SETD2: variants seen among roughly 807,000 people sequenced by gnomAD.
SETD2 encodes histone-lysine N-methyltransferase SETD2.
Under a neutral mutation model 242.1 loss-of-function variants are expected in SETD2, and 31 were observed. The ratio of observed to expected loss-of-function variants is 0.13; its 90% confidence interval spans 0.10 to 0.17. The LOEUF (loss-of-function observed/expected upper bound fraction) is 0.17, where lower values mean the gene tolerates loss of function less well. Ranked by LOEUF, SETD2 falls within the 10% of genes least tolerant of loss-of-function variation. SETD2 has a pLI of 1.00. For synonymous variants in SETD2, 1,006 were observed against 1,066.5 expected (o/e 0.94, Z 1.11); for missense variants, 2,481 against 3,046.3 (o/e 0.81, Z 4.37).
intron 8 of SETD2, among the ~76,000 whole-genome samples, chr3:47,099,507 T>C (rs1282993824): frequency 6.6e-6 from 1 of 152,176 alleles, no homozygotes; most frequent in Non-Finnish European, 1.5e-5. Context: ...AGGCACACAT[T>C]AGTTGTCTTT....
In SETD2 at chr3:47,123,379, A is replaced by G. The variant is rs1410821571; in HGVS notation, c.1257T>C (p.Tyr419=). 1 of 1,551,728 alleles carries G rather than the reference A, an allele frequency of 6.4e-7. No homozygotes were observed. The highest frequency in any genetic ancestry group is 2.4e-5 in the East Asian group (1 of 40,924). The change falls in exon 3 of 21, where the codon TAT becomes TAC. Residue 419 remains tyrosine, a synonymous_variant. Coordinates refer to ENST00000409792, the MANE Select transcript of SETD2 (RefSeq NM_014159.7). ...AATAATGAGATCGTTCTGACCTGGA[A>G]TAGGATAAATTAGTTCTAGAGCCTC... ...SERGSRTNLS[Y]SRSERSHYYD...
intron 5 of SETD2, among the ~76,000 whole-genome samples, chr3:47,109,009 T>C (rs545178339): frequency 1.3e-5 from 2 of 152,300 alleles, no homozygotes; most frequent in African/African-American, 4.8e-5. Flanking sequence ...TTAATCTTTT[T>C]CTAAGCCTGA....
At chr3:47,163,567 G>T in intron 1 of SETD2, 1 of 170,340 alleles carries the variant, frequency 5.9e-6, no homozygotes, top group Non-Finnish European at 1.2e-5. Context: ...GTGCGGACAC[G>T]GCGGTAACCG....
Position 47,083,656 on chromosome 3 carries a change from T to C in SETD2, c.6060+64A>G. 2.7e-6 allele frequency: 4 copies of C among 1,465,196 alleles called. No homozygotes were observed. In the Admixed American group the frequency reaches 9.0e-5, roughly 33 times the overall value. The allele number at this position is 1,465,196 out of a possible 1,614,324, so 90.8% of individuals were successfully genotyped here. ...GGCTAAAAAAAGTAGTTAATTTTGC[T>C]TAGGTTTGTAGAACTCTAAACCTGA... is the stretch of plus-strand genomic sequence containing the variant. On this transcript the variant is annotated intron_variant, in intron 12 of 20. Transcript: ENST00000409792.
intron 1 of SETD2, among the ~76,000 whole-genome samples, chr3:47,131,764 CTT>C (rs527871689): frequency 5.8e-5 from 8 of 139,040 alleles, no homozygotes; most frequent in Admixed American, 7.3e-5. Flanking sequence ...TTTGCATATT[CTT>C]TTTTTTTTTT....
chr3:47,084,072 T>G lies in SETD2; in HGVS notation c.5708A>C (p.Lys1903Thr). ...ISDATSELEG[K>T]DGKEDLDQLE... The stretch of plus-strand genomic sequence containing the variant: ...TTGATCAAGATCCTCTTTGCCATCC[T>G]TGCCTTCTAGCTCACTGGTTGCATC... Residue 1903 changes from lysine to threonine, a missense_variant, in exon 12 of 21, where the codon AAG becomes ACG. By Grantham distance (78) the Lys-to-Thr change is moderately conservative. Transcript: ENST00000409792. The G allele has an allele frequency of 6.2e-7, 1 of 1,614,218 alleles. No homozygotes were observed. The highest frequency in any genetic ancestry group is 8.5e-7 in the Non-Finnish European group (1 of 1,180,028).
chr3:47,073,175 T>C (rs1247804943), intron 12 of SETD2, among the ~76,000 whole-genome samples: 2 of 146,696 alleles, frequency 1.4e-5, no homozygotes, highest in Non-Finnish European at 3.0e-5. Context: ...ATACTGTGAG[T>C]AAACTGTCAC....
At chr3:47,018,890 TAA>T (rs2038095751) in intron 19 of SETD2, among the ~76,000 whole-genome samples, 1 of 152,248 alleles carries the variant, frequency 6.6e-6, no homozygotes, top group South Asian at 2.1e-4. Flanking sequence ...TCTATTGATA[TAA>T]GTTAGATCCC....
rs2106656598 is a variant in SETD2, at chr3:47,121,644, C to T, written c.2992G>A (p.Val998Ile). 6.2e-7 allele frequency: 1 copy of T among 1,614,092 alleles called. No individual in the cohort carries two copies. Among genetic ancestry groups the T allele is most frequent in the Middle Eastern group, 1.6e-4 (1 of 6,062 alleles). ...TTCAAATCACAAGAAGAAAATACAACTTCTGAGTCATCAGAAGTATGCACA... is the reference window on the plus strand; with the variant it reads ...TTCAAATCACAAGAAGAAAATACAATTTCTGAGTCATCAGAAGTATGCACA... ...GHVHTSDDSE[V>I]VFSSCDLNLT... The change falls in exon 3 of 21, where the codon GTT (valine) becomes ATT (isoleucine). Residue 998 changes from valine to isoleucine, a missense_variant. Val to Ile is a conservative substitution (Grantham distance 29). Transcript: ENST00000409792.
At chr3:47,069,608 G>GA (rs1314767556) in intron 12 of SETD2, among the ~76,000 whole-genome samples, 3 of 152,130 alleles carry the variant, frequency 2.0e-5, no homozygotes, top group Non-Finnish European at 4.4e-5. Flanking sequence ...GAATCTGGGA[G>GA]AAAAAACTAG....
At chr3:47,058,440 CAAAAAAAAAA>C (rs1174283471) in intron 14 of SETD2, among the ~76,000 whole-genome samples, 2 of 21,974 alleles carry the variant, frequency 9.1e-5, no homozygotes, top group East Asian at 2.7e-3. Context: ...GACACCGTCT[CAAAAAAAAAA>C]AAAAAAAAAA....
At chr3:47,132,853 T>A (rs6791062) in intron 1 of SETD2, among the ~76,000 whole-genome samples, 98,990 of 152,044 alleles carry the variant, frequency 0.65, 32,635 homozygotes, top group African/African-American at 0.75. Context: ...CAGTTCAAGA[T>A]TTCTGACAGA....
intron 1 of SETD2, 126 bp from the exon 2 acceptor site, chr3:47,126,789 T>C: frequency 3.5e-6 from 2 of 577,380 alleles, no homozygotes; most frequent in Middle Eastern, 4.6e-4. Context: ...GTATATTCTA[T>C]ATGGATTGTC....
At chr3:47,140,435 T>C (rs1307910925) in intron 1 of SETD2, among the ~76,000 whole-genome samples, 3 of 152,232 alleles carry the variant, frequency 2.0e-5, no homozygotes, top group Non-Finnish European at 4.4e-5. Flanking sequence ...AGTTAATCTT[T>C]TCAATTATCC....
intron 6 of SETD2, among the ~76,000 whole-genome samples, chr3:47,104,237 A>AC (rs1486407933): frequency 6.6e-6 from 1 of 152,192 alleles, no homozygotes; most frequent in East Asian, 1.9e-4. Flanking sequence ...AAAAAAAAAA[A>AC]AATTTAAATA....
intron 18 of SETD2, among the ~76,000 whole-genome samples, chr3:47,024,898 T>C (rs1335488933): frequency 6.6e-6 from 1 of 152,144 alleles, no homozygotes; most frequent in Non-Finnish European, 1.5e-5. Context: ...CTTACACTTA[T>C]CTTGATGGTG....
At chr3:47,058,499 C>T (rs2040186803) in intron 14 of SETD2, among the ~76,000 whole-genome samples, 2 of 113,938 alleles carry the variant, frequency 1.8e-5, no homozygotes, top group Non-Finnish European at 3.5e-5. Context: ...AAGACTTGTA[C>T]ATAGCAGCAA....
intron 15 of SETD2, among the ~76,000 whole-genome samples, chr3:47,054,493 A>C (rs1362371264): frequency 6.6e-6 from 1 of 152,144 alleles, no homozygotes; most frequent in African/African-American, 2.4e-5. Context: ...ATTTTTAGGG[A>C]AAAACTCAAA....
chr3:47,119,242 A>G (rs1376046749), intron 3 of SETD2, among the ~76,000 whole-genome samples: 1 of 152,170 alleles, frequency 6.6e-6, no homozygotes, highest in Non-Finnish European at 1.5e-5. Flanking sequence ...TAAAGTTAAA[A>G]CAGACTGAGA....
Sources: allele counts gnomAD v4.1 joint callset (sites outside exome capture counted in the v4.1 genomes callset), GRCh38; gene constraint gnomAD v4.1.1; transcripts MANE v1.5; gene names NCBI Gene and HGNC (gene_info 2026-07-23, HGNC 2026-07-21).